The following HMCN2 variants were observed in gnomAD, a reference collection of about 807,000 sequenced individuals.
HMCN2 encodes the protein hemicentin 2, also known as hemicentin-2.
HMCN2 carries 325 observed loss-of-function variants against 377.5 expected under a neutral mutation model. The observed-to-expected ratio is 0.86, with a 90% CI of 0.79 to 0.94. HMCN2 has a LOEUF of 0.94. HMCN2 is among the 40% of genes least tolerant of loss of function. HMCN2 has a pLI of 0.00. For synonymous variants in HMCN2, 2,007 were observed against 2,046.8 expected (o/e 0.98, Z 0.53); for missense variants, 4,543 against 4,725.3 (o/e 0.96, Z 1.13).
Position 130,394,441 on chromosome 9 carries a change from G to A in HMCN2, c.10558G>A (p.Ala3520Thr), listed in dbSNP as rs1315855892. 8.5e-6 allele frequency: 11 copies of A among 1,289,526 alleles called. No homozygotes were observed. Among genetic ancestry groups the A allele is most frequent in the African/African-American group, 1.5e-5 (1 of 65,866 alleles). The allele number at this position is 1,289,526 out of a possible 1,614,324, so 79.9% of individuals were successfully genotyped here. Residue 3520 changes from alanine (A) to threonine (T), a missense_variant, in exon 69 of 98, where the codon GCC (alanine) becomes ACC (threonine). Physicochemically the swap from Ala to Thr is moderately conservative, Grantham distance 58. Around this residue, in one of 5 missense-constraint regions of HMCN2, gnomAD observed 1,073 missense variants for 1,319.5 expected, o/e 0.81. Transcript: ENST00000683500. The surrounding 1 kb of genome is among the most constrained non-coding windows in gnomAD (Gnocchi z 5.1). ...QPTELSLTPG[A>T]PMELLCDAQG... ...TACAGAGCTGTCGCTGACCCCCGGC[G>A]CCCCCATGGAGCTCCTCTGTGATGC...
At position 130,433,023 on chromosome 9, in the gene HMCN2, A is replaced by G. The variant is rs574565741; in HGVS notation, c.14895-325A>G. 2.3e-5 allele frequency: 9 copies of G among 399,358 alleles called. No individual in the cohort carries two copies. In the Admixed American group the frequency reaches 3.4e-4, roughly 15 times the overall value. The allele number at this position is 399,358 out of a possible 1,614,324, so 24.7% of individuals were successfully genotyped here. ...TCTCCACCTCCAACCCCGCCCCCGCAGGGCAAATCCAGACTGGGTGACTTG... is the reference window on the plus strand; with the variant it reads ...TCTCCACCTCCAACCCCGCCCCCGCGGGGCAAATCCAGACTGGGTGACTTG... On this transcript the variant is annotated intron_variant, in intron 97 of 97. Coordinates refer to ENST00000683500, the MANE Select transcript of HMCN2 (RefSeq NM_001291815.2).
At position 130,307,435 on chromosome 9, in the gene HMCN2, C is replaced by T. The variant is rs943410211; in HGVS notation, c.2087-18C>T. 1 of 470,774 alleles carries T rather than the reference C, an allele frequency of 2.1e-6. No homozygotes were observed. Among genetic ancestry groups the T allele is most frequent in the Admixed American group, 2.3e-5 (1 of 42,584 alleles). 29.2% of individuals were successfully genotyped at this position (470,774 alleles called of 1,614,324 possible). On this transcript the variant is annotated intron_variant, in intron 13 of 97. Transcript: ENST00000683500. ...CTTTGAAGGTTGGTCCCAAATTCTG[C>T]ATCTCTTCCCCACACAGACCCACCG...
intron 19 of HMCN2, among the ~76,000 whole-genome samples, chr9:130,325,096 CTTTT>C (rs878863979): frequency 7.8e-6 from 1 of 128,064 alleles, no homozygotes; most frequent in African/African-American, 2.9e-5. Flanking sequence ...TCTTCTTCTT[CTTTT>C]TTTTTTTTTT....
chr9:130,332,638 C>T (rs1321277204), intron 22 of HMCN2, among the ~76,000 whole-genome samples: 2 of 152,234 alleles, frequency 1.3e-5, no homozygotes, highest in Admixed American at 6.5e-5. Context: ...GGCCCCTTGG[C>T]GTGTCTCAGG....
chr9:130,315,171 CTCCT>C, intron 15 of HMCN2, among the ~76,000 whole-genome samples: 1 of 134,254 alleles, frequency 7.4e-6, no homozygotes, highest in African/African-American at 2.9e-5. Context: ...CCTAGACGAG[CTCCT>C]TCCTCCCTTC....
At chr9:130,299,791 T>C (rs1588199367) in intron 8 of HMCN2, among the ~76,000 whole-genome samples, 4 of 107,484 alleles carry the variant, frequency 3.7e-5, no homozygotes, top group Admixed American at 3.2e-4. Flanking sequence ...ATTCATCCAC[T>C]CATCCACCCA....
chr9:130,433,717 C>T lies in HMCN2; in HGVS notation c.*24C>T, dbSNP rs1225204452. 13 of 1,424,436 alleles carry T rather than the reference C, an allele frequency of 9.1e-6. No individual in the cohort carries two copies. In the Admixed American group the frequency reaches 1.6e-4, roughly 18 times the overall value. The allele number at this position is 1,424,436 out of a possible 1,614,324, so 88.2% of individuals were successfully genotyped here. On this transcript the variant is annotated 3_prime_UTR_variant, in exon 98 of 98. Transcript: ENST00000683500. ...AAACGGGAGAGGGCATTGGCGGCCG[C>T]CCTGGCGTGACCCCCGAGGAAGGGG...
At chr9:130,430,838 T>C in intron 95 of HMCN2, 1 of 547,870 alleles carries the variant, frequency 1.8e-6, no homozygotes, top group Non-Finnish European at 3.2e-6. Flanking sequence ...CCATTTGACT[T>C]CAGGACACTT....
intron 96 of HMCN2, 142 bp from the exon 97 acceptor site, chr9:130,432,286 TG>T: frequency 1.4e-6 from 1 of 737,814 alleles, no homozygotes; most frequent in Non-Finnish European, 2.3e-6. Context: ...TGGGTGGTCA[TG>T]GGTCAGACTG....
At chr9:130,277,809 C>G (rs1588158121) in intron 1 of HMCN2, among the ~76,000 whole-genome samples, 1 of 93,898 alleles carries the variant, frequency 1.1e-5, no homozygotes, top group African/African-American at 4.3e-5. Flanking sequence ...TCACCACCAC[C>G]ACCATCATCA....
rs1050841384 is a variant in HMCN2 at position 130,391,016 on chromosome 9, G to A, written c.9563G>A (p.Arg3188His). 2.1e-5 allele frequency: 21 copies of A among 987,476 alleles called. No homozygotes were observed. In the South Asian group the frequency reaches 8.4e-4, roughly 40 times the overall value. 61.2% of individuals were successfully genotyped at this position (987,476 alleles called of 1,614,324 possible). Residue 3188 changes from arginine (R) to histidine (H), a missense_variant, in exon 63 of 98, where the codon CGC becomes CAC. By Grantham distance (29) the Arg-to-His change is conservative. Around this residue, in one of 5 missense-constraint regions of HMCN2, gnomAD observed 736 missense variants for 773.2 expected, o/e 0.95. Coordinates refer to ENST00000683500, the MANE Select transcript of HMCN2 (RefSeq NM_001291815.2). ...AVHGVVSRGG[R>H]LQLSRLQPAQ... is the part of the protein sequence containing the mutation. ...CACGGTGTGGTCTCCCGGGGGGGCC[G>A]CCTCCAGCTGAGCCGCCTGCAACCG...
chr9:130,317,886 G>A (rs1404025683), intron 15 of HMCN2, among the ~76,000 whole-genome samples: 3 of 152,108 alleles, frequency 2.0e-5, no homozygotes, highest in Admixed American at 1.3e-4. Flanking sequence ...GGTCTGGGAG[G>A]AGAGGAATCA....
chr9:130,342,089 G>A (rs1479566068), intron 24 of HMCN2, among the ~76,000 whole-genome samples: 1 of 151,386 alleles, frequency 6.6e-6, no homozygotes, highest in East Asian at 1.9e-4. Flanking sequence ...TGCTGAGAGG[G>A]ACCACTCATG....
intron 85 of HMCN2, among the ~76,000 whole-genome samples, chr9:130,411,347 A>G (rs947437381): frequency 6.6e-6 from 1 of 152,208 alleles, no homozygotes; most frequent in African/African-American, 2.4e-5. Context: ...CACAGCTGTA[A>G]TCCCAGCACT....
At chr9:130,316,647 C>G (rs1837576736) in intron 15 of HMCN2, among the ~76,000 whole-genome samples, 1 of 152,200 alleles carries the variant, frequency 6.6e-6, no homozygotes, top group African/African-American at 2.4e-5. Flanking sequence ...TCACCTGTCT[C>G]TGGATGCTTG....
chr9:130,359,217 A>G (rs1051598063), intron 36 of HMCN2, 102 bp from the exon 37 acceptor site: 7 of 521,636 alleles, frequency 1.3e-5, no homozygotes, highest in Non-Finnish European at 2.2e-5. Flanking sequence ...TTAGTCTAGG[A>G]TTTTCTATGG....
At chr9:130,359,696 G>C (rs968432251) in intron 37 of HMCN2, among the ~76,000 whole-genome samples, 2 of 152,156 alleles carry the variant, frequency 1.3e-5, no homozygotes, top group Non-Finnish European at 2.9e-5. Context: ...GGACCTCAGA[G>C]TCACCATCTG....
At position 130,354,780 on chromosome 9, in the gene HMCN2, G is replaced by C. The variant is rs1318723206; in HGVS notation, c.4882G>C (p.Gly1628Arg). The change falls in exon 32 of 98, where the codon GGC becomes CGC. Residue 1628 changes from glycine to arginine, a missense_variant. Gly to Arg is a moderately radical substitution (Grantham distance 125, BLOSUM62 -2). This residue lies in a region of HMCN2 where 1,032 missense variants were observed against 1,285.1 expected (regional missense o/e 0.80). Coordinates refer to ENST00000683500, the MANE Select transcript of HMCN2 (RefSeq NM_001291815.2). ...LDVYVPPTIE[G>R]AGGRPYVVKA... ...TTTTCCAGTCCCACCTACCATCGAG[G>C]GCGCCGGTGGAAGACCATACGTGGT... 7 of 1,301,504 alleles carry C rather than the reference G, an allele frequency of 5.4e-6. No individual in the cohort carries two copies. The African/African-American group carries it at 1.1e-4, about 20-fold the overall frequency. The allele number at this position is 1,301,504 out of a possible 1,614,324, so 80.6% of individuals were successfully genotyped here. A position where few individuals can be genotyped will look rare whatever the true frequency, so the allele number is the denominator to read the frequency against.
intron 1 of HMCN2, among the ~76,000 whole-genome samples, chr9:130,270,790 C>G (rs1834370474): frequency 6.7e-6 from 1 of 148,452 alleles, no homozygotes; most frequent in Non-Finnish European, 1.5e-5. Flanking sequence ...GTTGCCTAGG[C>G]CGATGTCAAA....
Sources: allele counts gnomAD v4.1 joint callset (sites outside exome capture counted in the v4.1 genomes callset), GRCh38; gene constraint gnomAD v4.1.1; regional missense constraint gnomAD v4.1.1; non-coding constraint Gnocchi (gnomAD v3.1); transcripts MANE v1.5; gene names NCBI Gene and HGNC (gene_info 2026-07-23, HGNC 2026-07-21).